SGMS1: variants seen among roughly 807,000 people sequenced by gnomAD.
SGMS1 encodes the protein phosphatidylcholine:ceramide cholinephosphotransferase 1.
SGMS1 carries 13 observed loss-of-function variants against 46.2 expected under a neutral mutation model. The observed-to-expected ratio is 0.28, with a 90% CI of 0.18 to 0.45. SGMS1 has a LOEUF of 0.45. Ranked by LOEUF, SGMS1 falls within the 20% of genes least tolerant of loss-of-function variation. SGMS1 has a pLI of 1.00. For missense variants in SGMS1, 324 were observed against 519.9 expected, an observed-to-expected ratio of 0.62 and a Z score of 3.66; for synonymous variants, 203 against 187.8, an observed-to-expected ratio of 1.08 and a Z score of -0.66.
chr10:50,311,566 C>T (rs1404308046), intron 8 of SGMS1, 151 bp from the exon 9 acceptor site: 6 of 182,826 alleles, frequency 3.3e-5, no homozygotes, highest in Non-Finnish European at 1.0e-5. Context: ...TTTACCATTC[C>T]AAGAGTAGCC....
intron 3 of SGMS1, among the ~76,000 whole-genome samples, chr10:50,478,232 T>A (rs905962879): frequency 6.6e-6 from 1 of 152,138 alleles, no homozygotes; most frequent in Admixed American, 6.6e-5. Context: ...CACAGTCAGA[T>A]CCACACAATG....
chr10:50,567,753 TA>T (rs1380731986), intron 2 of SGMS1, among the ~76,000 whole-genome samples: 1 of 152,180 alleles, frequency 6.6e-6, no homozygotes, highest in Non-Finnish European at 1.5e-5. Context: ...AAAATAAACA[TA>T]GACACTCACA....
intron 2 of SGMS1, among the ~76,000 whole-genome samples, chr10:50,567,600 C>A (rs1310275126): frequency 1.3e-5 from 2 of 152,174 alleles, no homozygotes; most frequent in African/African-American, 2.4e-5. Flanking sequence ...ACGGGGCAGG[C>A]GGCTCTCCAG....
intron 3 of SGMS1, among the ~76,000 whole-genome samples, chr10:50,518,439 T>C (rs967100999): frequency 7.2e-5 from 11 of 152,182 alleles, no homozygotes; most frequent in African/African-American, 2.7e-4. Context: ...TGTTTGTTTG[T>C]TTTTGAGATG....
chr10:50,474,595 C>A (rs1012297336), intron 3 of SGMS1, among the ~76,000 whole-genome samples: 42 of 152,128 alleles, frequency 2.8e-4, no homozygotes, highest in African/African-American at 9.4e-4. Context: ...TATAAAAATT[C>A]TTAAGATGAG....
chr10:50,477,332 T>C (rs936206356), intron 3 of SGMS1, among the ~76,000 whole-genome samples: 42 of 150,516 alleles, frequency 2.8e-4, no homozygotes, highest in African/African-American at 9.4e-4. Flanking sequence ...TTTTGGCCAA[T>C]TTCTTCCTTT....
intron 1 of SGMS1, among the ~76,000 whole-genome samples, chr10:50,590,932 C>T (rs1218410879): frequency 1.3e-5 from 2 of 152,132 alleles, no homozygotes; most frequent in Non-Finnish European, 2.9e-5. Flanking sequence ...TTGAGATTTA[C>T]TCTGACCTTG....
intron 5 of SGMS1, among the ~76,000 whole-genome samples, chr10:50,454,667 A>G (rs933839282): frequency 2.0e-5 from 3 of 152,134 alleles, no homozygotes; most frequent in African/African-American, 7.2e-5. Context: ...CCAGCAATTT[A>G]TTATTATTTT....
Position 50,308,163 on chromosome 10 carries a change from G to A in SGMS1, c.896-15C>T, listed in dbSNP as rs200299996. The A allele has an allele frequency of 3.4e-5, 55 of 1,609,460 alleles. No individual in the cohort carries two copies. In the African/African-American group the frequency reaches 6.5e-4, roughly 19 times the overall value. On this transcript the variant is annotated splice_polypyrimidine_tract_variant and intron_variant, in intron 9 of 10. Coordinates refer to ENST00000361781, the MANE Select transcript of SGMS1 (RefSeq NM_147156.4). Reference sequence around the variant, plus strand: ...CCGAGGGGAATCTGAAAGGGGGAGAGATTTGCAATAGTCCCATTATTCAAA... The same window carrying A: ...CCGAGGGGAATCTGAAAGGGGGAGAAATTTGCAATAGTCCCATTATTCAAA...
intron 2 of SGMS1, among the ~76,000 whole-genome samples, chr10:50,561,517 A>T (rs1838236275): frequency 6.6e-6 from 1 of 152,212 alleles, no homozygotes; most frequent in Non-Finnish European, 1.5e-5. Context: ...TTAGTTCGTC[A>T]CATTGATGCC....
intron 6 of SGMS1, among the ~76,000 whole-genome samples, chr10:50,422,007 T>A (rs1849261323): frequency 6.6e-6 from 1 of 152,278 alleles, no homozygotes; most frequent in African/African-American, 2.4e-5. Flanking sequence ...CATATCCCAT[T>A]CCAGACCACT....
Position 50,343,498 on chromosome 10 carries a change from T to C in SGMS1, c.617A>G (p.Lys206Arg). 6.3e-7 allele frequency: 1 copy of C among 1,596,322 alleles called. No homozygotes were observed. The highest frequency in any genetic ancestry group is 8.5e-7 in the Non-Finnish European group (1 of 1,171,870). Residue 206 changes from lysine to arginine, a missense_variant, in exon 7 of 11, where the codon AAA (lysine) becomes AGA (arginine). Coordinates refer to ENST00000361781, the MANE Select transcript of SGMS1 (RefSeq NM_147156.4). Reference protein sequence around the residue: ...GLWLIQWLLLKYKSIISRRFF... With the variant: ...GLWLIQWLLLRYKSIISRRFF... ...GAGCTTTTACTTGACTTACTTGTAT[T>C]TTAAGAGCAGCCACTGAATTAACCA... is the stretch of plus-strand genomic sequence containing the variant.
intron 6 of SGMS1, among the ~76,000 whole-genome samples, chr10:50,372,852 C>T (rs1848462363): frequency 1.3e-5 from 2 of 152,042 alleles, no homozygotes; most frequent in South Asian, 4.1e-4. Flanking sequence ...TAAAGGGAAT[C>T]AGTCAACCTT....
At chr10:50,363,674 T>A (rs1848290887) in intron 6 of SGMS1, among the ~76,000 whole-genome samples, 1 of 152,200 alleles carries the variant, frequency 6.6e-6, no homozygotes, top group African/African-American at 2.4e-5. Context: ...TTTTACCTTC[T>A]TAGGCACCCA....
chr10:50,395,271 A>T (rs1848832803), intron 6 of SGMS1, among the ~76,000 whole-genome samples: 1 of 152,164 alleles, frequency 6.6e-6, no homozygotes, highest in Non-Finnish European at 1.5e-5. Context: ...AGTTGTTGGG[A>T]TCCCTGTAAT....
At chr10:50,590,119 T>C (rs1838526615) in intron 2 of SGMS1, 34 bp downstream of exon 2, 1 of 152,354 alleles carries the variant, frequency 6.6e-6, no homozygotes, top group South Asian at 2.1e-4. Context: ...GAAAATGTTT[T>C]ACAATAAAAA....
intron 2 of SGMS1, among the ~76,000 whole-genome samples, chr10:50,541,867 C>A (rs530442991): frequency 6.6e-6 from 1 of 152,122 alleles, no homozygotes; most frequent in African/African-American, 2.4e-5. Context: ...TGTTAAAATA[C>A]AACCTCCTAG....
At chr10:50,363,253 G>C (rs1848281999) in intron 6 of SGMS1, among the ~76,000 whole-genome samples, 1 of 152,184 alleles carries the variant, frequency 6.6e-6, no homozygotes, top group African/African-American at 2.4e-5. Context: ...AGAAAACAGG[G>C]ACACGATTTC....
intron 3 of SGMS1, among the ~76,000 whole-genome samples, chr10:50,497,264 T>C (rs1268096613): frequency 6.6e-6 from 1 of 152,262 alleles, no homozygotes; most frequent in Non-Finnish European, 1.5e-5. Context: ...AGGATCATTA[T>C]GCACTTCAGT....
Sources: allele counts gnomAD v4.1 joint callset (sites outside exome capture counted in the v4.1 genomes callset), GRCh38; gene constraint gnomAD v4.1.1; transcripts MANE v1.5; gene names NCBI Gene and HGNC (gene_info 2026-07-23, HGNC 2026-07-21).